Variants in SCAPER observed in about 807,000 individuals in gnomAD.
The protein encoded by SCAPER is S-phase cyclin A associated protein in the ER, also known as S phase cyclin A-associated protein in the endoplasmic reticulum.
Under a neutral mutation model 182.2 loss-of-function variants are expected in SCAPER, and 98 were observed. That is an observed-to-expected ratio of 0.54 (90% CI 0.46 to 0.64). The LOEUF (loss-of-function observed/expected upper bound fraction) is 0.64, where lower values mean the gene tolerates loss of function less well. Ranked by LOEUF, SCAPER falls within the 30% of genes least tolerant of loss-of-function variation. SCAPER has a pLI of 0.00. For synonymous variants in SCAPER, 605 were observed against 564.6 expected, an observed-to-expected ratio of 1.07 and a Z score of -1.01; for missense variants, 1,432 against 1,690.0, an observed-to-expected ratio of 0.85 and a Z score of 2.68.
At chr15:76,783,463 A>C (rs191380855) in intron 8 of SCAPER, among the ~76,000 whole-genome samples, 51 of 152,348 alleles carry the variant, frequency 3.3e-4, no homozygotes, top group African/African-American at 1.2e-3. Flanking sequence ...TACAAATAGG[A>C]GATGGTATCA....
At chr15:76,446,218 T>A (rs2047985163) in intron 25 of SCAPER, among the ~76,000 whole-genome samples, 1 of 152,188 alleles carries the variant, frequency 6.6e-6, no homozygotes, top group South Asian at 2.1e-4. Context: ...GCTGTCTCAC[T>A]TCTGAGCCTG....
chr15:76,409,143 G>T (rs2045088554), intron 26 of SCAPER, among the ~76,000 whole-genome samples: 2 of 152,114 alleles, frequency 1.3e-5, no homozygotes, highest in Admixed American at 1.3e-4. Context: ...TAAACTAAAT[G>T]GCTCTAAAAG....
At chr15:76,443,679 T>C (rs1476756164) in intron 25 of SCAPER, among the ~76,000 whole-genome samples, 1 of 152,184 alleles carries the variant, frequency 6.6e-6, no homozygotes, top group Non-Finnish European at 1.5e-5. Context: ...CTTATACAAT[T>C]CTGACTGAAA....
chr15:76,517,506 C>T (rs943727246), intron 23 of SCAPER, among the ~76,000 whole-genome samples: 7 of 151,908 alleles, frequency 4.6e-5, no homozygotes, highest in South Asian at 2.1e-4. Flanking sequence ...TGTGCCACTA[C>T]ACCCGGCTAA....
intron 22 of SCAPER, among the ~76,000 whole-genome samples, chr15:76,589,823 G>C (rs1268781065): frequency 6.6e-6 from 1 of 152,158 alleles, no homozygotes; most frequent in African/African-American, 2.4e-5. Context: ...GTCAAAAATG[G>C]CTTCCCTGGG....
intron 20 of SCAPER, among the ~76,000 whole-genome samples, chr15:76,678,057 T>C (rs1400266549): frequency 1.3e-5 from 2 of 152,056 alleles, no homozygotes; most frequent in African/African-American, 4.8e-5. Flanking sequence ...TCCTTCCCAT[T>C]ATTTTAAATA....
At chr15:76,681,902 C>T (rs1191649908) in intron 20 of SCAPER, among the ~76,000 whole-genome samples, 2 of 152,152 alleles carry the variant, frequency 1.3e-5, no homozygotes, top group Admixed American at 1.3e-4. Context: ...CCATGCTCCT[C>T]TAGGAGATTT....
chr15:76,434,698 ACT>A (rs1369999507), intron 25 of SCAPER, among the ~76,000 whole-genome samples: 1 of 152,212 alleles, frequency 6.6e-6, no homozygotes, highest in Non-Finnish European at 1.5e-5. Flanking sequence ...AAATGACAGC[ACT>A]GTTTCTTATT....
At chr15:76,686,050 T>A (rs1489085824) in intron 20 of SCAPER, among the ~76,000 whole-genome samples, 1 of 152,054 alleles carries the variant, frequency 6.6e-6, no homozygotes, top group Admixed American at 6.5e-5. Context: ...AAAAGTACTA[T>A]CTATAAAGGA....
chr15:76,362,107 G>A (rs2041461875), intron 29 of SCAPER, among the ~76,000 whole-genome samples: 1 of 151,800 alleles, frequency 6.6e-6, no homozygotes, highest in African/African-American at 2.4e-5. Context: ...CGAGTAGCTG[G>A]GATTACAGGC....
chr15:76,398,161 C>T (rs550916766), intron 27 of SCAPER, among the ~76,000 whole-genome samples: 1 of 152,230 alleles, frequency 6.6e-6, no homozygotes, highest in Admixed American at 6.5e-5. Flanking sequence ...TTTCAAGGGC[C>T]ATGTTAAATT....
chr15:76,550,019 C>T (rs2045625594), intron 23 of SCAPER, among the ~76,000 whole-genome samples: 1 of 151,914 alleles, frequency 6.6e-6, no homozygotes, highest in Admixed American at 6.6e-5. Context: ...GAAGTGGCAA[C>T]CTAGAGAATG....
intron 30 of SCAPER, among the ~76,000 whole-genome samples, 165 bp from the exon 31 acceptor site, chr15:76,351,453 A>G (rs1215003927): frequency 6.6e-6 from 1 of 152,260 alleles, no homozygotes; most frequent in Non-Finnish European, 1.5e-5. Context: ...GCAGGTTCTC[A>G]TAAATAGTAA....
chr15:76,456,882 C>T (rs1344841903), intron 25 of SCAPER, among the ~76,000 whole-genome samples: 2 of 152,040 alleles, frequency 1.3e-5, no homozygotes, highest in East Asian at 1.9e-4. Context: ...ATATTAAATT[C>T]TACTCTGATA....
intron 1 of SCAPER, among the ~76,000 whole-genome samples, chr15:76,900,830 A>G (rs535899071): frequency 3.3e-4 from 51 of 152,352 alleles, no homozygotes; most frequent in African/African-American, 1.1e-3. Context: ...TGAAGCCAGA[A>G]TAGTACATCT....
chr15:76,676,364 CAAAAAGATGGAGGTCT>C (rs926176917), intron 20 of SCAPER, among the ~76,000 whole-genome samples: 2 of 152,120 alleles, frequency 1.3e-5, no homozygotes, highest in Non-Finnish European at 2.9e-5. Context: ...CTCCAGCCAT[CAAAAAGATGGAGGTCT>C]TTGGATACTG....
intron 1 of SCAPER, among the ~76,000 whole-genome samples, chr15:76,893,432 A>G (rs1433134322): frequency 6.6e-6 from 1 of 152,098 alleles, no homozygotes; most frequent in East Asian, 1.9e-4. Context: ...TTTTAACACC[A>G]CTGAAAGGAA....
In SCAPER at chr15:76,457,003, A is replaced by C. The variant is rs147791102; in HGVS notation, c.3078+14209T>G. Among the ~76,000 whole-genome samples, 252 of 150,988 alleles carry C rather than the reference A, an allele frequency of 1.7e-3. 3 individuals are homozygous for C. The highest frequency in any genetic ancestry group is 4.4e-4 in the Non-Finnish European group (30 of 67,812). On this transcript the variant is annotated intron_variant, in intron 25 of 31. Transcript: ENST00000563290. ...TAAATGCATCTCATGTAGATAGAGC[A>C]CATGGTTAGGTCTTTTTATCCATTC...
chr15:76,448,865 C>G (rs1208708909), intron 25 of SCAPER, among the ~76,000 whole-genome samples: 1 of 152,112 alleles, frequency 6.6e-6, no homozygotes, highest in African/African-American at 2.4e-5. Flanking sequence ...GCAGACAGCT[C>G]TTTAAGAGGT....
Sources: gnomAD v4.1 joint callset for allele counts (sites outside exome capture counted in the v4.1 genomes callset) on GRCh38, gnomAD v4.1.1 for gene constraint, MANE v1.5 for transcripts, NCBI Gene and HGNC (gene_info 2026-07-23, HGNC 2026-07-21) for gene names.